Variants in H4C15 observed in about 807,000 individuals in gnomAD.
The protein encoded by H4C15 is H4 clustered histone 15.
downstream of H4C15, chr1:149,850,357 G>C (rs1553757617): frequency 3.8e-6 from 3 of 798,336 alleles, no homozygotes; most frequent in East Asian, 8.0e-5. Context: ...GAGGGAGGGA[G>C]GGAGGGAGCG....
the H4C15 span, chr1:149,844,758 T>G: frequency 6.6e-6 from 1 of 152,042 alleles, no homozygotes; most frequent in Non-Finnish European, 1.5e-5. Flanking sequence ...AAACAGATTT[T>G]TTAGTTATTA....
downstream of H4C15, among the ~76,000 whole-genome samples, chr1:149,858,881 A>G (rs1229369986): frequency 2.5e-4 from 8 of 32,346 alleles, no homozygotes; most frequent in Non-Finnish European, 4.3e-4. Flanking sequence ...CACTTTGAGA[A>G]CCACTAATTC....
the H4C15 span, chr1:149,845,184 G>A: frequency 2.6e-5 from 4 of 152,098 alleles, no homozygotes; most frequent in Non-Finnish European, 1.5e-5. Flanking sequence ...AATTCACACA[G>A]GTATGAAAGC....
At chr1:149,851,090 C>CA (rs1553757770), downstream of H4C15, 3 of 1,368 alleles carry the variant, frequency 2.2e-3, no homozygotes, top group South Asian at 0.01. Context: ...GCAGGAGTTT[C>CA]TCTCGGTGAC....
the H4C15 span, chr1:149,848,500 C>T: frequency 2.0e-5 from 3 of 152,226 alleles, no homozygotes; most frequent in African/African-American, 7.2e-5. Context: ...GACAGTCCAT[C>T]CTCCTGCTGC....
At chr1:149,848,812 G>C in the H4C15 span, 1 of 152,130 alleles carries the variant, frequency 6.6e-6, no homozygotes, top group African/African-American at 2.4e-5. Context: ...GAACTACTAA[G>C]TTACACCTCA....
At chr1:149,850,255 C>T, downstream of H4C15, 1 of 1,174,756 alleles carries the variant, frequency 8.5e-7, no homozygotes, top group Non-Finnish European at 1.2e-6. Context: ...AAAACATCAA[C>T]TGGGACTGAC....
chr1:149,846,326 T>C, the H4C15 span: 1 of 152,228 alleles, frequency 6.6e-6, no homozygotes, highest in African/African-American at 2.4e-5. Context: ...ATAGTACGTA[T>C]TATGACCAAT....
chr1:149,847,528 G>C, the H4C15 span: 1 of 152,350 alleles, frequency 6.6e-6, no homozygotes, highest in Non-Finnish European at 1.5e-5. Context: ...CATGGAGACA[G>C]CCGGGTGCAG....
the H4C15 span, chr1:149,844,804 A>G: frequency 1.3e-5 from 2 of 150,664 alleles, no homozygotes; most frequent in South Asian, 4.2e-4. Context: ...TTATTGCCAA[A>G]AGAAAAAAAA....
chr1:149,849,313 T>TAA (rs782460053), downstream of H4C15, among the ~76,000 whole-genome samples: 1 of 152,246 alleles, frequency 6.6e-6, no homozygotes, highest in Non-Finnish European at 1.5e-5. Flanking sequence ...ATTTTCATTT[T>TAA]TAGTAACTTC....
downstream of H4C15, among the ~76,000 whole-genome samples, chr1:149,849,911 A>C (rs1484477187): frequency 3.9e-5 from 6 of 152,258 alleles, no homozygotes; most frequent in African/African-American, 1.4e-4. Flanking sequence ...ATCTGAGAGC[A>C]TACAATGCAT....
At chr1:149,847,502 T>TA in the H4C15 span, 2 of 152,188 alleles carry the variant, frequency 1.3e-5, no homozygotes, top group Admixed American at 1.3e-4. Flanking sequence ...GTATGACTGA[T>TA]ACCCTTATAA....
At chr1:149,849,913 A>G (rs2092166342), downstream of H4C15, among the ~76,000 whole-genome samples, 1 of 152,264 alleles carries the variant, frequency 6.6e-6, no homozygotes, top group South Asian at 2.1e-4. Context: ...CTGAGAGCAT[A>G]CAATGCATTT....
At chr1:149,855,439 C>T (rs1367247229), downstream of H4C15, among the ~76,000 whole-genome samples, 7 of 125,008 alleles carry the variant, frequency 5.6e-5, 1 homozygote, top group African/African-American at 1.5e-4. Flanking sequence ...AGGGAAACTA[C>T]GTGGTAAGAG....
downstream of H4C15, chr1:149,850,422 G>A (rs587627853): frequency 4.2e-5 from 49 of 1,173,326 alleles, no homozygotes; most frequent in African/African-American, 4.9e-4. Flanking sequence ...CTTGGTGACC[G>A]CCTTGGTGCC....
At chr1:149,850,693 G>A, downstream of H4C15, 1 of 373,006 alleles carries the variant, frequency 2.7e-6, no homozygotes, top group Non-Finnish European at 4.5e-6. Flanking sequence ...TGCGCTTCTT[G>A]CCGTCTTTCT....
downstream of H4C15, among the ~76,000 whole-genome samples, chr1:149,849,681 C>A (rs2092163067): frequency 6.6e-6 from 1 of 152,224 alleles, no homozygotes; most frequent in African/African-American, 2.4e-5. Flanking sequence ...GGGAAAAAAA[C>A]CATTTAATGG....
the H4C15 span, chr1:149,844,605 A>C: frequency 6.6e-6 from 1 of 152,206 alleles, no homozygotes; most frequent in African/African-American, 2.4e-5. Flanking sequence ...GGCATAATAC[A>C]AACTTAGAAA....
Sources: allele counts gnomAD v4.1 joint callset (sites outside exome capture counted in the v4.1 genomes callset), GRCh38; gene constraint gnomAD v4.1.1; transcripts MANE v1.5; gene names NCBI Gene and HGNC (gene_info 2026-07-23, HGNC 2026-07-21).